The following BIRC3 variants were observed in gnomAD, a reference collection of about 807,000 sequenced individuals.
BIRC3 encodes the protein baculoviral IAP repeat containing 3.
BIRC3 carries 26 observed loss-of-function variants against 59.0 expected under a neutral mutation model. The observed-to-expected ratio is 0.44, with a 90% CI of 0.32 to 0.61. BIRC3 has a LOEUF of 0.61. Among genes scored for constraint, BIRC3 ranks in the 20% least tolerant of loss-of-function variants. The pLI, the probability that BIRC3 is intolerant of heterozygous loss-of-function variation, is 0.04. For synonymous variants in BIRC3, 243 were observed against 249.2 expected (o/e 0.98, Z 0.24); for missense variants, 641 against 711.5 (o/e 0.90, Z 1.13).
intron 6 of BIRC3, 139 bp from the exon 7 acceptor site, chr11:102,335,827 C>A: frequency 1.2e-6 from 1 of 823,654 alleles, no homozygotes; most frequent in Non-Finnish European, 1.8e-6. Flanking sequence ...GATGAGACAC[C>A]CCTAAACCTA....
At chr11:102,334,680 T>C (rs1269159110) in intron 6 of BIRC3, among the ~76,000 whole-genome samples, 1 of 152,186 alleles carries the variant, frequency 6.6e-6, no homozygotes, top group Non-Finnish European at 1.5e-5. Flanking sequence ...TGAAAATTAA[T>C]AAACTTAGAT....
rs752027342 is a variant in BIRC3 at position 102,328,873 on chromosome 11, TA to T, written c.1033-23del. On this transcript the variant is annotated intron_variant, in intron 4 of 8. Coordinates refer to ENST00000263464, the MANE Select transcript of BIRC3 (RefSeq NM_001165.5). ...CTATTTTAATTTATATATATATATA[TA>T]TATATATTTTTTTTTTCTGCAGCTG... 8.0e-4 allele frequency: 687 copies of T among 855,812 alleles called. 9 individuals carry two copies. Among genetic ancestry groups the T allele is most frequent in the African/African-American group, 6.1e-3 (331 of 53,832 alleles). The allele number at this position is 855,812 out of a possible 1,614,324, so 53.0% of individuals were successfully genotyped here. A position where few individuals can be genotyped will look rare whatever the true frequency, so the allele number is the denominator to read the frequency against.
chr11:102,331,505 G>A (rs1002894728), intron 6 of BIRC3, among the ~76,000 whole-genome samples: 1 of 151,874 alleles, frequency 6.6e-6, no homozygotes, highest in Non-Finnish European at 1.5e-5. Flanking sequence ...GATAGCTGAC[G>A]TTGTGTCCAA....
In BIRC3 at chr11:102,324,726, C is replaced by T; in HGVS notation, c.217C>T (p.Leu73=). The T allele has an allele frequency of 1.2e-6, 2 of 1,614,106 alleles. No individual in the cohort carries two copies. The highest frequency in any genetic ancestry group is 8.5e-7 in the Non-Finnish European group (1 of 1,180,010). ...KVKCFCCGLM[L]DNWKRGDSPT... is the part of the protein sequence containing the mutation. ...CAAATGCTTCTGTTGTGGCCTGATG[C>T]TGGATAACTGGAAAAGAGGAGACAG... is the stretch of plus-strand genomic sequence containing the variant. Residue 73 remains leucine (L), a synonymous_variant, in exon 2 of 9, where the codon CTG becomes TTG. Coordinates refer to ENST00000263464, the MANE Select transcript of BIRC3 (RefSeq NM_001165.5).
At position 102,325,356 on chromosome 11, in the gene BIRC3, T is replaced by C; in HGVS notation, c.847T>C (p.Tyr283His). ...GCAGCTTGCAAGTGCGGGTTTTTAT[T>C]ATGTGGGTAAGAAACTGAATCTGCT... ...PEQLASAGFY[Y>H]VGNSDDVKCF... The change falls in exon 2 of 9, where the codon TAT becomes CAT. Residue 283 changes from tyrosine (Y) to histidine (H), a missense_variant. Tyr to His is a moderately conservative substitution (Grantham distance 83, BLOSUM62 2). Coordinates refer to ENST00000263464, the MANE Select transcript of BIRC3 (RefSeq NM_001165.5). 1 of 1,594,156 alleles carries C rather than the reference T, an allele frequency of 6.3e-7. No homozygotes were observed. Among genetic ancestry groups the C allele is most frequent in the Non-Finnish European group, 8.5e-7 (1 of 1,171,766 alleles).
chr11:102,325,008 A>C lies in BIRC3; in HGVS notation c.499A>C (p.Asn167His). The change falls in exon 2 of 9, where the codon AAT becomes CAT. Residue 167 changes from asparagine to histidine, a missense_variant. By Grantham distance (68) the Asn-to-His change is moderately conservative (BLOSUM62 1). Transcript: ENST00000263464. ...GAGAAGTTCCTACCACTGTGCAATG[A>C]ATAACGAAAATGCCAGATTACTTAC... ...LMRSSYHCAMNNENARLLTFQ... is the reference protein window; with the variant it reads ...LMRSSYHCAMHNENARLLTFQ... The C allele has an allele frequency of 6.2e-7, 1 of 1,614,224 alleles. No homozygotes were observed. The highest frequency in any genetic ancestry group is 1.1e-5 in the South Asian group (1 of 91,084).
At chr11:102,326,499 A>G (rs1951082385) in intron 3 of BIRC3, among the ~76,000 whole-genome samples, 1 of 152,190 alleles carries the variant, frequency 6.6e-6, no homozygotes, top group East Asian at 1.9e-4. Flanking sequence ...TATCAGCTTC[A>G]AAAAGTTTTT....
rs960378779 is a variant in BIRC3 at position 102,338,342 on chromosome 11, G to A, written c.*1240G>A. The A allele has an allele frequency of 4.4e-6, 1 of 228,606 alleles. No homozygotes were observed. The highest frequency in any genetic ancestry group is 8.7e-6 in the Non-Finnish European group (1 of 115,142). The allele number at this position is 228,606 out of a possible 1,614,324, so 14.2% of individuals were successfully genotyped here. A position where few individuals can be genotyped will look rare whatever the true frequency, so the allele number is the denominator to read the frequency against. ...CAGATGGCTCTGTAAGGGCAGAAGG[G>A]AAAGACCCCTTCATAAGGGTCACAG... On this transcript the variant is annotated 3_prime_UTR_variant, in exon 9 of 9. Coordinates refer to ENST00000263464, the MANE Select transcript of BIRC3 (RefSeq NM_001165.5).
rs1213457344 is a variant in BIRC3, at chr11:102,323,201, A to T, written c.-1309A>T. ...TGTTAGTTCTTTGAGGGGGACAAAA[A>T]ATTTAAAATCTTTGAAAGGTCTTAT... On this transcript the variant is annotated 5_prime_UTR_variant, in exon 2 of 9. Transcript: ENST00000263464. 3 of 198,914 alleles carry T rather than the reference A, an allele frequency of 1.5e-5. No individual in the cohort carries two copies. The East Asian group carries it at 2.3e-4, about 16-fold the overall frequency. The allele number at this position is 198,914 out of a possible 1,614,324, so 12.3% of individuals were successfully genotyped here. A position where few individuals can be genotyped will look rare whatever the true frequency, so the allele number is the denominator to read the frequency against.
In BIRC3 at chr11:102,322,551, T is replaced by C. The variant is rs1325626536; in HGVS notation, c.-1959T>C. On this transcript the variant is annotated 5_prime_UTR_variant, in exon 2 of 9. Transcript: ENST00000263464. The stretch of plus-strand genomic sequence containing the variant: ...GAAATGAAGAAACTTAGAAAATTAA[T>C]ATAAAGACAGTGATGAATACAAAGA... The C allele has an allele frequency of 9.7e-6, 2 of 205,950 alleles. No individual in the cohort carries two copies. The highest frequency in any genetic ancestry group is 2.0e-5 in the Non-Finnish European group (2 of 100,912). 12.8% of individuals were successfully genotyped at this position (205,950 alleles called of 1,614,324 possible).
At chr11:102,328,618 G>A (rs1951107548) in intron 4 of BIRC3, among the ~76,000 whole-genome samples, 1 of 151,970 alleles carries the variant, frequency 6.6e-6, no homozygotes, top group Admixed American at 6.6e-5. Flanking sequence ...ATTGTCACAT[G>A]GATTATGGAA....
Position 102,321,842 on chromosome 11 carries a change from C to G in BIRC3, c.-2668C>G, listed in dbSNP as rs1951033442. 1 of 166,444 alleles carries G rather than the reference C, an allele frequency of 6.0e-6. No individual in the cohort carries two copies. The highest frequency in any genetic ancestry group is 1.3e-5 in the Non-Finnish European group (1 of 76,204). The allele number at this position is 166,444 out of a possible 1,614,324, so 10.3% of individuals were successfully genotyped here. A position where few individuals can be genotyped will look rare whatever the true frequency, so the allele number is the denominator to read the frequency against. On this transcript the variant is annotated 5_prime_UTR_variant, in exon 2 of 9. Transcript: ENST00000263464. Reference sequence around the variant, plus strand: ...TTTTGTTTGTTTTTGAACAGGTTTACAAAGGAGGAAAACGACTTCTTCTAG... The same window carrying G: ...TTTTGTTTGTTTTTGAACAGGTTTAGAAAGGAGGAAAACGACTTCTTCTAG...
chr11:102,317,949 G>C (rs888488888), intron 1 of BIRC3, among the ~76,000 whole-genome samples: 1 of 152,256 alleles, frequency 6.6e-6, no homozygotes, highest in African/African-American at 2.4e-5. Context: ...GAAGTAAAAC[G>C]TTTAATGAGC....
At chr11:102,335,873 A>C in intron 6 of BIRC3, 93 bp from the exon 7 acceptor site, 5 of 1,317,588 alleles carry the variant, frequency 3.8e-6, no homozygotes, top group Admixed American at 2.3e-5. Flanking sequence ...TTACGAATTA[A>C]AGATAGTTTT....
intron 1 of BIRC3, among the ~76,000 whole-genome samples, chr11:102,319,042 G>GTTT (rs1231002757): frequency 3.2e-5 from 4 of 126,398 alleles, no homozygotes; most frequent in Non-Finnish European, 5.3e-5. Flanking sequence ...GTTGAAAGAG[G>GTTT]ATTTTTTTTT....
At chr11:102,326,343 C>A (rs554224308) in intron 3 of BIRC3, among the ~76,000 whole-genome samples, 2 of 152,350 alleles carry the variant, frequency 1.3e-5, no homozygotes, top group Non-Finnish European at 2.9e-5. Context: ...CTCATCTCAT[C>A]TGTTTTAGTC....
Position 102,328,105 on chromosome 11 carries a change from C to T in BIRC3, c.1007C>T (p.Ala336Val), listed in dbSNP as rs1365915992. 6.8e-6 allele frequency: 11 copies of T among 1,608,634 alleles called. No homozygotes were observed. The highest frequency in any genetic ancestry group is 1.3e-5 in the African/African-American group (1 of 74,522). ...KGQEFIRQVQ[A>V]SYPHLLEQLL... ...CAGGAGTTCATCCGTCAAGTTCAAG[C>T]CAGTTACCCTCATCTACTTGAACAG... Residue 336 changes from alanine to valine, a missense_variant, in exon 4 of 9, where the codon GCC becomes GTC. Coordinates refer to ENST00000263464, the MANE Select transcript of BIRC3 (RefSeq NM_001165.5).
In BIRC3 at chr11:102,337,222, G is replaced by A. The variant is rs1591526517; in HGVS notation, c.*120G>A. 2.8e-6 allele frequency: 2 copies of A among 710,662 alleles called. No homozygotes were observed. The highest frequency in any genetic ancestry group is 4.1e-6 in the Non-Finnish European group (2 of 487,758). The allele number at this position is 710,662 out of a possible 1,614,324, so 44.0% of individuals were successfully genotyped here. A position where few individuals can be genotyped will look rare whatever the true frequency, so the allele number is the denominator to read the frequency against. Reference sequence around the variant, plus strand: ...ATTTATTTACAACTCAAAAAACATTGTTTTGTGTAACATATTTATATATGT... The same window carrying A: ...ATTTATTTACAACTCAAAAAACATTATTTTGTGTAACATATTTATATATGT... On this transcript the variant is annotated 3_prime_UTR_variant, in exon 9 of 9. Transcript: ENST00000263464.
chr11:102,336,443 A>G, intron 7 of BIRC3: 2 of 579,352 alleles, frequency 3.5e-6, no homozygotes. Flanking sequence ...AATTTTTAAA[A>G]CAAATTATTT....
Sources: gnomAD v4.1 joint callset for allele counts (sites outside exome capture counted in the v4.1 genomes callset) on GRCh38, gnomAD v4.1.1 for gene constraint, MANE v1.5 for transcripts, NCBI Gene and HGNC (gene_info 2026-07-23, HGNC 2026-07-21) for gene names.